Variants in INPP4B observed in about 807,000 individuals in gnomAD.
INPP4B encodes inositol polyphosphate-4-phosphatase type II B.
A neutral mutation model predicts 122.5 loss-of-function variants in INPP4B; 55 were observed. The ratio of observed to expected loss-of-function variants is 0.45; its 90% confidence interval spans 0.36 to 0.56. The LOEUF is 0.56. INPP4B is among the 20% of genes least tolerant of loss of function. The probability of loss-of-function intolerance (pLI) is 0.00; values close to 1 mark genes in which losing one functional copy is unlikely to be tolerated. For missense variants in INPP4B, 1,000 were observed against 1,097.7 expected (o/e 0.91, Z 1.26); for synonymous variants, 403 against 388.7 (o/e 1.04, Z -0.43).
intron 2 of INPP4B, among the ~76,000 whole-genome samples, chr4:142,539,230 G>T (rs1828650374): frequency 6.6e-6 from 1 of 151,328 alleles, no homozygotes; most frequent in Non-Finnish European, 1.5e-5. Flanking sequence ...CATTTATTTT[G>T]CATATCAACA....
intron 1 of INPP4B, among the ~76,000 whole-genome samples, chr4:142,766,317 C>T (rs1442664114): frequency 6.6e-6 from 1 of 151,924 alleles, no homozygotes; most frequent in African/African-American, 2.4e-5. Context: ...TTTTAAAAAT[C>T]ACCTGGACTC....
At chr4:142,564,011 AACAAGCAG>A (rs1731039214) in intron 2 of INPP4B, among the ~76,000 whole-genome samples, 1 of 152,234 alleles carries the variant, frequency 6.6e-6, no homozygotes, top group Non-Finnish European at 1.5e-5. Context: ...TTATGAGCCA[AACAAGCAG>A]TTGTTATTTC....
intron 12 of INPP4B, among the ~76,000 whole-genome samples, chr4:142,225,292 C>G (rs768438150): frequency 6.6e-6 from 1 of 152,130 alleles, no homozygotes; most frequent in Non-Finnish European, 1.5e-5. Context: ...CAGGGGCTCT[C>G]TGGCCTTTGG....
At chr4:142,419,219 A>G (rs1806375460) in intron 5 of INPP4B, among the ~76,000 whole-genome samples, 1 of 152,094 alleles carries the variant, frequency 6.6e-6, no homozygotes, top group Admixed American at 6.6e-5. Context: ...AACCTCCTAA[A>G]CAAGCGAGTG....
intron 1 of INPP4B, among the ~76,000 whole-genome samples, chr4:142,835,348 A>T (rs1349720906): frequency 6.6e-6 from 1 of 152,196 alleles, no homozygotes. Context: ...CTTGTTAACA[A>T]AAGGAAGGCT....
chr4:142,607,066 T>A (rs1194381543), intron 2 of INPP4B, among the ~76,000 whole-genome samples: 1 of 151,904 alleles, frequency 6.6e-6, no homozygotes, highest in African/African-American at 2.4e-5. Context: ...GTTTTCTATT[T>A]TACATATATG....
At chr4:142,674,530 A>G (rs998095966) in intron 2 of INPP4B, among the ~76,000 whole-genome samples, 1 of 152,218 alleles carries the variant, frequency 6.6e-6, no homozygotes, top group African/African-American at 2.4e-5. Context: ...CAGACCTAAT[A>G]GACATCTACA....
At chr4:142,788,682 T>C (rs922919674) in intron 1 of INPP4B, among the ~76,000 whole-genome samples, 3 of 152,106 alleles carry the variant, frequency 2.0e-5, no homozygotes, top group Non-Finnish European at 4.4e-5. Context: ...CGCATGCTCA[T>C]AGCTTAGCTC....
intron 2 of INPP4B, among the ~76,000 whole-genome samples, chr4:142,628,434 A>T (rs1247505090): frequency 6.4e-5 from 3 of 46,526 alleles, no homozygotes; most frequent in Admixed American, 5.4e-4. Context: ...GGGGGGAGGG[A>T]TAGCATTGGG....
At chr4:142,074,119 A>G (rs1769150276) in intron 25 of INPP4B, among the ~76,000 whole-genome samples, 1 of 152,094 alleles carries the variant, frequency 6.6e-6, no homozygotes, top group African/African-American at 2.4e-5. Flanking sequence ...AAAAATAAAA[A>G]TAAAGCACAT....
chr4:142,109,003 C>T (rs1281850529), intron 22 of INPP4B, among the ~76,000 whole-genome samples: 2 of 152,142 alleles, frequency 1.3e-5, no homozygotes, highest in African/African-American at 2.4e-5. Context: ...ACTGCTTCCT[C>T]CTTTGAACCA....
At chr4:142,280,843 T>C (rs906738473) in intron 9 of INPP4B, among the ~76,000 whole-genome samples, 2 of 151,994 alleles carry the variant, frequency 1.3e-5, no homozygotes, top group Non-Finnish European at 2.9e-5. Flanking sequence ...ACTTGGAATG[T>C]TGGATTAAAG....
At chr4:142,465,378 G>A (rs1330213955) in intron 2 of INPP4B, among the ~76,000 whole-genome samples, 3 of 152,032 alleles carry the variant, frequency 2.0e-5, no homozygotes, top group Non-Finnish European at 2.9e-5. Flanking sequence ...CAAACAAGAC[G>A]TTATTTAACA....
At chr4:142,496,015 C>T (rs1024017059) in intron 2 of INPP4B, among the ~76,000 whole-genome samples, 6 of 152,052 alleles carry the variant, frequency 3.9e-5, no homozygotes, top group African/African-American at 1.4e-4. Context: ...TCTAGTACTG[C>T]TTGATTCCTC....
intron 2 of INPP4B, among the ~76,000 whole-genome samples, chr4:142,483,095 T>C (rs1820757886): frequency 6.6e-6 from 1 of 151,594 alleles, no homozygotes; most frequent in Non-Finnish European, 1.5e-5. Flanking sequence ...AAGAATTATT[T>C]GGAGGTATGT....
chr4:142,725,665 A>G (rs1471880373), intron 2 of INPP4B, among the ~76,000 whole-genome samples, 174 bp downstream of exon 2: 3 of 152,204 alleles, frequency 2.0e-5, no homozygotes, highest in African/African-American at 7.2e-5. Flanking sequence ...CTAAAAATGT[A>G]CTGTTCACTT....
chr4:142,134,708 A>T (rs1318029188), intron 18 of INPP4B, among the ~76,000 whole-genome samples: 2 of 151,168 alleles, frequency 1.3e-5, no homozygotes, highest in African/African-American at 4.9e-5. Context: ...GAGGTGGGAG[A>T]ATCACTTGAA....
intron 7 of INPP4B, among the ~76,000 whole-genome samples, chr4:142,385,541 A>AT (rs1306429352): frequency 1.3e-5 from 2 of 152,142 alleles, no homozygotes; most frequent in Non-Finnish European, 2.9e-5. Flanking sequence ...TTACCGAACG[A>AT]TTATATTTAA....
chr4:142,623,162 CA>C (rs1241722635), intron 2 of INPP4B, among the ~76,000 whole-genome samples: 1 of 151,916 alleles, frequency 6.6e-6, no homozygotes, highest in Non-Finnish European at 1.5e-5. Context: ...ATCACAGTCG[CA>C]AATATACACA....
Sources: allele counts gnomAD v4.1 joint callset (sites outside exome capture counted in the v4.1 genomes callset), GRCh38; gene constraint gnomAD v4.1.1; transcripts MANE v1.5; gene names NCBI Gene and HGNC (gene_info 2026-07-23, HGNC 2026-07-21).